FLOT1: variants seen among roughly 807,000 people sequenced by gnomAD.
FLOT1 encodes flotillin 1.
FLOT1 carries 40 observed loss-of-function variants against 58.4 expected under a neutral mutation model. That is an observed-to-expected ratio of 0.69 (90% confidence interval 0.53 to 0.89). The LOEUF is 0.89. Among genes scored for constraint, FLOT1 ranks in the 40% least tolerant of loss-of-function variants. The pLI is 0.00. For missense variants in FLOT1, 423 were observed against 540.8 expected (o/e 0.78, Z 2.16); for synonymous variants, 178 against 204.2 (o/e 0.87, Z 1.09).
In FLOT1 at chr6:30,741,737, G is replaced by A; in HGVS notation, c.120-33C>T. On this transcript the variant is annotated intron_variant, in intron 3 of 12. Coordinates refer to ENST00000376389, the MANE Select transcript of FLOT1 (RefSeq NM_005803.4). The surrounding 1 kb of genome is among the most constrained non-coding windows in gnomAD (Gnocchi z 5.9). ...AAAAAGAAGGGACAGACAGTAAGAA[G>A]AGGAGGAAAAAGAGAAAACGGAGGT... 6.2e-7 allele frequency: 1 copy of A among 1,609,758 alleles called. No individual in the cohort carries two copies. The highest frequency in any genetic ancestry group is 8.5e-7 in the Non-Finnish European group (1 of 1,177,048).
At chr6:30,731,485 CAAAAA>C (rs35667527) in intron 8 of FLOT1, among the ~76,000 whole-genome samples, 4 of 83,784 alleles carry the variant, frequency 4.8e-5, no homozygotes, top group Non-Finnish European at 7.0e-5. Context: ...ACTCCATCTC[CAAAAA>C]AAAAAAAAAA....
chr6:30,741,327 T>G lies in FLOT1; in HGVS notation c.217A>C (p.Ile73Leu). Residue 73 changes from isoleucine to leucine, a missense_variant, in exon 5 of 13, where the codon ATC becomes CTC. Physicochemically the swap from Ile to Leu is conservative, Grantham distance 5. Coordinates refer to ENST00000376389, the MANE Select transcript of FLOT1 (RefSeq NM_005803.4). This position sits in a 1 kb window ranked among gnomAD's most constrained non-coding sequence, Gnocchi z 5.9. ...AACATCTCCTTGTTCTGCCCCTGGATTTTTACCTGTAGCCAGAGTAGGGGT... is the reference window on the plus strand; with the variant it reads ...AACATCTCCTTGTTCTGCCCCTGGAGTTTTACCTGTAGCCAGAGTAGGGGT... ...ISVTGIAQVK[I>L]QGQNKEMLAA... 6.2e-7 allele frequency: 1 copy of G among 1,613,008 alleles called. No individual in the cohort carries two copies. Among genetic ancestry groups the G allele is most frequent in the Admixed American group, 1.7e-5 (1 of 60,012 alleles).
At position 30,742,082 on chromosome 6, in the gene FLOT1, G is replaced by A. The variant is rs1204245410; in HGVS notation, c.43+65C>T. On this transcript the variant is annotated intron_variant, in intron 2 of 12. Coordinates refer to ENST00000376389, the MANE Select transcript of FLOT1 (RefSeq NM_005803.4). This position sits in a 1 kb window ranked among gnomAD's most constrained non-coding sequence, Gnocchi z 5.2. ...GGGAAGTTGGTAGGGAGAGGGAGAA[G>A]GGGCAGAGGCCAGACTCACAGGGGT... 4 of 1,531,912 alleles carry A rather than the reference G, an allele frequency of 2.6e-6. No homozygotes were observed. The highest frequency in any genetic ancestry group is 1.4e-5 in the African/African-American group (1 of 73,254). The allele number at this position is 1,531,912 out of a possible 1,614,324, so 94.9% of individuals were successfully genotyped here.
At position 30,737,534 on chromosome 6, in the gene FLOT1, A is replaced by T. The variant is rs921071808; in HGVS notation, c.723+2624T>A. 5.3e-5 allele frequency among the ~76,000 whole-genome samples: 8 copies of T among 152,160 alleles called. No homozygotes were observed. Among genetic ancestry groups the T allele is most frequent in the African/African-American group, 1.9e-4 (8 of 41,452 alleles). On this transcript the variant is annotated intron_variant, in intron 8 of 12. Coordinates refer to ENST00000376389, the MANE Select transcript of FLOT1 (RefSeq NM_005803.4). The surrounding 1 kb of genome is among the most constrained non-coding windows in gnomAD (Gnocchi z 4.4). ...CAGCCTCTCAAAGTGTTGGGATTAC[A>T]GGCATGAACCACCGCGCCCAGCCAC...
At chr6:30,736,680 G>A (rs1777589924) in intron 8 of FLOT1, among the ~76,000 whole-genome samples, 3 of 150,746 alleles carry the variant, frequency 2.0e-5, no homozygotes, top group East Asian at 2.0e-4. Flanking sequence ...TGCAAGCTCC[G>A]CCTCCCGGGT....
At chr6:30,740,439 T>C in intron 7 of FLOT1, 57 bp downstream of exon 7, 2 of 1,588,092 alleles carry the variant, frequency 1.3e-6, no homozygotes, top group Non-Finnish European at 1.7e-6. Context: ...CCCCTGCTTC[T>C]TCTCAGTTGT....
Position 30,740,322 on chromosome 6 carries a change from G to C in FLOT1, c.571-12C>G. 6.2e-7 allele frequency: 1 copy of C among 1,612,966 alleles called. No homozygotes were observed. Among genetic ancestry groups the C allele is most frequent in the Non-Finnish European group, 8.5e-7 (1 of 1,179,994 alleles). ...TTGGCTTTAGCTTCCTGTCCAAGCA[G>C]AGATCAGGTAGGAAATGTCAGGGCA... On this transcript the variant is annotated splice_polypyrimidine_tract_variant and intron_variant, in intron 7 of 12. Transcript: ENST00000376389.
At chr6:30,730,848 G>A in intron 9 of FLOT1, 71 bp downstream of exon 9, 4 of 1,601,174 alleles carry the variant, frequency 2.5e-6, no homozygotes, top group Non-Finnish European at 3.4e-6. Context: ...AGGTGGTGAA[G>A]GCTTCAGCAC....
chr6:30,738,423 A>G (rs1430797948), intron 8 of FLOT1, among the ~76,000 whole-genome samples: 2 of 152,220 alleles, frequency 1.3e-5, no homozygotes, highest in Admixed American at 1.3e-4. Context: ...TCCTTTGGGT[A>G]AAGGTCTCAA....
chr6:30,734,430 T>C (rs1777423041), intron 8 of FLOT1, among the ~76,000 whole-genome samples: 2 of 151,372 alleles, frequency 1.3e-5, no homozygotes, highest in African/African-American at 4.9e-5. Flanking sequence ...TGCCTCAGCC[T>C]CCCGAGTAGC....
At position 30,741,167 on chromosome 6, in the gene FLOT1, T is replaced by A. The variant is rs116542158; in HGVS notation, c.354+23A>T. The A allele has an allele frequency of 0.045, 71,738 of 1,611,946 alleles. 2,719 individuals carry two copies. The highest frequency in any genetic ancestry group is 0.16 in the African/African-American group (11,923 of 74,980). ...CCCCTCATTTTGACATCCTTCCAGA[T>A]GGTTCCCTGCCCCTAGGCCAACCTC... is the stretch of plus-strand genomic sequence containing the variant. On this transcript the variant is annotated intron_variant, in intron 5 of 12. Coordinates refer to ENST00000376389, the MANE Select transcript of FLOT1 (RefSeq NM_005803.4). The surrounding 1 kb of genome is among the most constrained non-coding windows in gnomAD (Gnocchi z 5.9).
At chr6:30,735,483 C>T (rs117044925) in intron 8 of FLOT1, among the ~76,000 whole-genome samples, 11,069 of 150,654 alleles carry the variant, frequency 0.073, 667 homozygotes, top group African/African-American at 0.16. Context: ...ATTACCTGGG[C>T]GTGGTGGTGG....
In FLOT1 at chr6:30,740,780, G is replaced by A; in HGVS notation, c.373C>T (p.Gln125Ter). 6.2e-7 allele frequency: 1 copy of A among 1,612,206 alleles called. No homozygotes were observed. The highest frequency in any genetic ancestry group is 8.5e-7 in the Non-Finnish European group (1 of 1,179,898). The change falls in exon 6 of 13, where the codon CAG becomes TAG. Residue 125 changes from glutamine (Q) to a stop codon, truncating the protein, a stop_gained. Coordinates refer to ENST00000376389, the MANE Select transcript of FLOT1 (RefSeq NM_005803.4). LOFTEE classifies it high-confidence loss of function. ...TTGAAAACCTGTTCTGAGAATTTCT[G>A]CCTGTCCTTATAGATCTCCTGTGAT... Reference protein sequence around the residue: ...MTVEEIYKDRQKFSEQVFKVA... With the variant: ...MTVEEIYKDR
At chr6:30,735,512 G>A (rs555992933) in intron 8 of FLOT1, among the ~76,000 whole-genome samples, 1 of 151,660 alleles carries the variant, frequency 6.6e-6, no homozygotes, top group East Asian at 1.9e-4. Flanking sequence ...AATCCCAGTT[G>A]AGGATTACTT....
rs148516220 is a variant in FLOT1 at position 30,737,208 on chromosome 6, TCGTCCGTCCGTCCGTCCGTCCGTCCGTC to T, written c.723+2922_723+2949del. On this transcript the variant is annotated intron_variant, in intron 8 of 12. Transcript: ENST00000376389. The surrounding 1 kb of genome is among the most constrained non-coding windows in gnomAD (Gnocchi z 4.4). ...GACTGACTGACTGACTGACTGTCTG[TCGTCCGTCCGTCCGTCCGTCCGTCCGTC>T]CGTCCGTCCGTCCATCCGTCCATCC... 4.3e-5 allele frequency among the ~76,000 whole-genome samples: 6 copies of T among 138,128 alleles called. No homozygotes were observed. In the East Asian group the frequency reaches 1.2e-3, roughly 27 times the overall value. 90.6% of individuals were successfully genotyped at this position (138,128 alleles called of 152,430 possible).
chr6:30,733,127 C>T (rs1777317270), intron 8 of FLOT1, among the ~76,000 whole-genome samples: 1 of 152,082 alleles, frequency 6.6e-6, no homozygotes, highest in South Asian at 2.1e-4. Flanking sequence ...TCTCCATCTC[C>T]CAGGTTCAAG....
chr6:30,737,237 C>T lies in FLOT1; in HGVS notation c.723+2921G>A, dbSNP rs1777649227. 6.7e-6 allele frequency among the ~76,000 whole-genome samples: 1 copy of T among 148,582 alleles called. No individual in the cohort carries two copies. On this transcript the variant is annotated intron_variant, in intron 8 of 12. Transcript: ENST00000376389. The surrounding 1 kb of genome is among the most constrained non-coding windows in gnomAD (Gnocchi z 4.4). Reference sequence around the variant, plus strand: ...CCGTCCGTCCGTCCGTCCGTCCGTCCGTCCGTCCGTCCATCCGTCCATCCA... The same window carrying T: ...CCGTCCGTCCGTCCGTCCGTCCGTCTGTCCGTCCGTCCATCCGTCCATCCA...
In FLOT1 at chr6:30,742,537, G is replaced by A. The variant is rs1778086663; in HGVS notation, c.-25C>T. The A allele has an allele frequency of 6.4e-6, 2 of 311,328 alleles. No individual in the cohort carries two copies. Among genetic ancestry groups the A allele is most frequent in the Non-Finnish European group, 1.2e-5 (2 of 165,968 alleles). The allele number at this position is 311,328 out of a possible 1,614,324, so 19.3% of individuals were successfully genotyped here. On this transcript the variant is annotated 5_prime_UTR_variant, in exon 1 of 13. Coordinates refer to ENST00000376389, the MANE Select transcript of FLOT1 (RefSeq NM_005803.4). The surrounding 1 kb of genome is among the most constrained non-coding windows in gnomAD (Gnocchi z 5.2). ...CCCTCCCCCACTCACCTTCCGGGACGCGGGCGGCAGCCCGGCTGGGGTCTC... is the reference window on the plus strand; with the variant it reads ...CCCTCCCCCACTCACCTTCCGGGACACGGGCGGCAGCCCGGCTGGGGTCTC...
chr6:30,730,636 C>A lies in FLOT1; in HGVS notation c.951+46G>T, dbSNP rs1384281891. 4 of 1,613,648 alleles carry A rather than the reference C, an allele frequency of 2.5e-6. No homozygotes were observed. The African/African-American group carries it at 4.0e-5, about 16-fold the overall frequency. On this transcript the variant is annotated intron_variant, in intron 10 of 12. Transcript: ENST00000376389. The stretch of plus-strand genomic sequence containing the variant: ...CAAGAAATCCCCGATCAAGCAGCAA[C>A]CCCCACCCTCTCCACAAGCCAGCAT...
Sources: allele counts gnomAD v4.1 joint callset (sites outside exome capture counted in the v4.1 genomes callset), GRCh38; gene constraint gnomAD v4.1.1; non-coding constraint Gnocchi (gnomAD v3.1); transcripts MANE v1.5; gene names NCBI Gene and HGNC (gene_info 2026-07-23, HGNC 2026-07-21).